The following ESRRG variants were observed in gnomAD, a reference collection of about 807,000 sequenced individuals.
ESRRG encodes estrogen related receptor gamma, also known as estrogen-related receptor gamma.
Under a neutral mutation model 44.0 loss-of-function variants are expected in ESRRG, and 13 were observed. The ratio of observed to expected loss-of-function variants is 0.30; its 90% CI spans 0.19 to 0.47. ESRRG has a LOEUF of 0.47. Among genes scored for constraint, ESRRG ranks in the 20% least tolerant of loss-of-function variants. ESRRG has a pLI of 1.00. For synonymous variants in ESRRG, 215 were observed against 214.6 expected, an observed-to-expected ratio of 1.00 and a Z score of -0.02; for missense variants, 395 against 580.6, an observed-to-expected ratio of 0.68 and a Z score of 3.29.
intron 5 of ESRRG, among the ~76,000 whole-genome samples, chr1:216,536,286 T>A (rs927910963): frequency 3.9e-5 from 6 of 152,094 alleles, no homozygotes; most frequent in Non-Finnish European, 5.9e-5. Flanking sequence ...GTCATTCCCA[T>A]CAAAATGTCT....
intron 2 of ESRRG, among the ~76,000 whole-genome samples, chr1:216,879,294 C>A (rs2096404831): frequency 6.6e-6 from 1 of 151,952 alleles, no homozygotes; most frequent in African/African-American, 2.4e-5. Context: ...AAAGAACAAA[C>A]AAACAAAACA....
chr1:217,085,991 AC>A (rs1367872898), intron 1 of ESRRG, among the ~76,000 whole-genome samples: 1 of 152,168 alleles, frequency 6.6e-6, no homozygotes, highest in African/African-American at 2.4e-5. Context: ...CAACAAAGTG[AC>A]AAGAGAAAAC....
chr1:216,721,901 C>G (rs906364581), intron 1 of ESRRG, among the ~76,000 whole-genome samples: 10 of 152,140 alleles, frequency 6.6e-5, no homozygotes, highest in Non-Finnish European at 4.4e-5. Context: ...CAAACTGATG[C>G]AAGCACAGCC....
intron 2 of ESRRG, among the ~76,000 whole-genome samples, chr1:216,658,905 GA>G (rs2071470624): frequency 1.0e-5 from 1 of 99,916 alleles, no homozygotes. Context: ...GAAGAGAAGA[GA>G]AGAGAAGAGA....
chr1:216,861,699 T>TC (rs1245685301), intron 2 of ESRRG, among the ~76,000 whole-genome samples: 4 of 152,080 alleles, frequency 2.6e-5, no homozygotes, highest in Non-Finnish European at 5.9e-5. Context: ...ATTGATAGAC[T>TC]TCATAAAAAT....
chr1:216,779,176 ATT>A (rs1333720702), intron 2 of ESRRG, among the ~76,000 whole-genome samples: 3 of 44,464 alleles, frequency 6.7e-5, no homozygotes, highest in Non-Finnish European at 1.5e-4. Context: ...TATATATATA[ATT>A]ATATAAATAT....
intron 1 of ESRRG, among the ~76,000 whole-genome samples, chr1:217,044,891 AACAC>A (rs1017589871): frequency 1.6e-4 from 24 of 152,104 alleles, no homozygotes; most frequent in African/African-American, 5.6e-4. Context: ...GACACACACA[AACAC>A]ACTCACATTT....
chr1:216,709,081 G>A (rs2083031347), intron 1 of ESRRG, among the ~76,000 whole-genome samples: 1 of 152,122 alleles, frequency 6.6e-6, no homozygotes, highest in Admixed American at 6.5e-5. Flanking sequence ...GGGGGGCTAA[G>A]GGAGGGATAG....
chr1:216,611,991 A>T (rs2060742448), intron 3 of ESRRG, among the ~76,000 whole-genome samples: 1 of 152,196 alleles, frequency 6.6e-6, no homozygotes, highest in South Asian at 2.1e-4. Context: ...TAGGGAGAGA[A>T]CATTTTAAGT....
intron 2 of ESRRG, among the ~76,000 whole-genome samples, chr1:216,665,275 G>A (rs1156310068): frequency 1.3e-5 from 2 of 152,016 alleles, no homozygotes; most frequent in East Asian, 3.9e-4. Flanking sequence ...TCTCTATACG[G>A]TTCAGTCCCA....
At chr1:216,949,874 G>A (rs2066673380) in intron 1 of ESRRG, among the ~76,000 whole-genome samples, 2 of 150,904 alleles carry the variant, frequency 1.3e-5, no homozygotes, top group South Asian at 4.2e-4. Flanking sequence ...GTGCAGTGGT[G>A]CCATGTCAGC....
chr1:216,816,089 G>T (rs1253829268), intron 2 of ESRRG, among the ~76,000 whole-genome samples: 1 of 152,168 alleles, frequency 6.6e-6, no homozygotes, highest in Non-Finnish European at 1.5e-5. Flanking sequence ...GACTTGCACA[G>T]ATGCTAAAGA....
chr1:216,775,289 C>G (rs2093559599), intron 2 of ESRRG, among the ~76,000 whole-genome samples: 1 of 151,970 alleles, frequency 6.6e-6, no homozygotes, highest in Non-Finnish European at 1.5e-5. Flanking sequence ...TTTTCCCATG[C>G]TTATTATAGG....
At chr1:217,099,850 T>C (rs2092481411) in intron 1 of ESRRG, among the ~76,000 whole-genome samples, 1 of 152,188 alleles carries the variant, frequency 6.6e-6, no homozygotes, top group Non-Finnish European at 1.5e-5. Flanking sequence ...GCAGGGGTGA[T>C]GATGGCCCAT....
chr1:217,047,258 CT>C (rs1479461488), intron 1 of ESRRG, among the ~76,000 whole-genome samples: 4 of 152,044 alleles, frequency 2.6e-5, no homozygotes, highest in Non-Finnish European at 5.9e-5. Context: ...TCTGTATATC[CT>C]ACTGATTACT....
intron 1 of ESRRG, among the ~76,000 whole-genome samples, chr1:216,702,804 A>G (rs1353895401): frequency 1.3e-5 from 2 of 149,400 alleles, no homozygotes; most frequent in East Asian, 3.9e-4. Flanking sequence ...AAGATATTCC[A>G]GGCAAAGTTG....
intron 2 of ESRRG, among the ~76,000 whole-genome samples, chr1:216,790,782 C>T (rs574314829): frequency 6.6e-6 from 1 of 152,196 alleles, no homozygotes; most frequent in South Asian, 2.1e-4. Flanking sequence ...GTAGTAATTT[C>T]ATCCTCTTTA....
intron 2 of ESRRG, among the ~76,000 whole-genome samples, chr1:216,773,180 A>G (rs1208990445): frequency 1.3e-5 from 2 of 152,102 alleles, no homozygotes; most frequent in Admixed American, 6.6e-5. Context: ...GCCTTTCTGT[A>G]ATATTCATAG....
In ESRRG at chr1:216,723,412, C is replaced by T. The variant is rs922994010; in HGVS notation, c.-113G>A. 1 of 932,492 alleles carries T rather than the reference C, an allele frequency of 1.1e-6. No homozygotes were observed. Among genetic ancestry groups the T allele is most frequent in the East Asian group, 2.5e-5 (1 of 40,754 alleles). The allele number at this position is 932,492 out of a possible 1,614,324, so 57.8% of individuals were successfully genotyped here. ...CTAGTGACAAGCCTATAGGCACAGC[C>T]AGTTGGGACCAAAGCTCTCACACTC... On this transcript the variant is annotated 5_prime_UTR_variant, in exon 1 of 7. Transcript: ENST00000408911.
Sources: allele counts gnomAD v4.1 joint callset (sites outside exome capture counted in the v4.1 genomes callset), GRCh38; gene constraint gnomAD v4.1.1; transcripts MANE v1.5; gene names NCBI Gene and HGNC (gene_info 2026-07-23, HGNC 2026-07-21).